The following PCSK5 variants were observed in gnomAD, a reference collection of about 807,000 sequenced individuals.
PCSK5 encodes proprotein convertase subtilisin/kexin type 5.
In PCSK5, 129 loss-of-function variants were observed where a neutral mutation model predicts 233.2. The observed-to-expected ratio is 0.55, with a 90% CI of 0.48 to 0.64. The LOEUF (loss-of-function observed/expected upper bound fraction) is 0.64. Ranked by LOEUF, PCSK5 falls within the 30% of genes least tolerant of loss-of-function variation. The pLI, the probability that PCSK5 is intolerant of heterozygous loss-of-function variation, is 0.00. For missense variants in PCSK5, 2,076 were observed against 2,430.1 expected (o/e 0.85, Z 3.06); for synonymous variants, 825 against 879.2 (o/e 0.94, Z 1.09).
At chr9:76,278,893 T>A (rs1827775748) in intron 24 of PCSK5, among the ~76,000 whole-genome samples, 1 of 152,208 alleles carries the variant, frequency 6.6e-6, no homozygotes, top group South Asian at 2.1e-4. Flanking sequence ...GCATTTTGCT[T>A]TATTGTACAT....
At chr9:76,097,280 T>G (rs1409930713) in intron 8 of PCSK5, among the ~76,000 whole-genome samples, 2 of 95,930 alleles carry the variant, frequency 2.1e-5, no homozygotes, top group Admixed American at 1.5e-4. Flanking sequence ...TGAGACGGAG[T>G]CTCGCTCTGT....
chr9:76,294,109 A>G (rs1035968548), intron 25 of PCSK5, among the ~76,000 whole-genome samples: 1 of 151,972 alleles, frequency 6.6e-6, no homozygotes, highest in Non-Finnish European at 1.5e-5. Context: ...AGGCAAGAGA[A>G]TCACTTGAAC....
At chr9:76,022,954 A>G (rs1828262307) in intron 3 of PCSK5, among the ~76,000 whole-genome samples, 1 of 152,100 alleles carries the variant, frequency 6.6e-6, no homozygotes, top group South Asian at 2.1e-4. Context: ...TTTCTCGCCC[A>G]TGGGTTTTTC....
At chr9:76,339,866 G>A (rs1441333147) in intron 35 of PCSK5, among the ~76,000 whole-genome samples, 2 of 152,072 alleles carry the variant, frequency 1.3e-5, no homozygotes, top group African/African-American at 4.8e-5. Context: ...ATATTTAAAA[G>A]GCTATTAAGA....
intron 20 of PCSK5, among the ~76,000 whole-genome samples, chr9:76,209,074 G>A (rs1825226751): frequency 6.6e-6 from 1 of 152,208 alleles, no homozygotes; most frequent in Non-Finnish European, 1.5e-5. Context: ...TAAGAAAGCA[G>A]TCATTTTTAA....
rs1829560063 is a variant in PCSK5, at chr9:76,332,348, C to T, written c.4571-85C>T. Reference sequence around the variant, plus strand: ...TTCCTCCTGCAGCCCTCTCCTCCCTCCCGCCATGGTACACAAGAGGGAAAA... The same window carrying T: ...TTCCTCCTGCAGCCCTCTCCTCCCTTCCGCCATGGTACACAAGAGGGAAAA... On this transcript the variant is annotated intron_variant, in intron 33 of 37. Coordinates refer to ENST00000674117, the MANE Select transcript of PCSK5 (RefSeq NM_001372043.1). The T allele has an allele frequency of 4.1e-6, 4 of 969,098 alleles. No individual in the cohort carries two copies. The Admixed American group carries it at 6.6e-5, about 16-fold the overall frequency. The allele number at this position is 969,098 out of a possible 1,614,324, so 60.0% of individuals were successfully genotyped here.
At chr9:76,187,335 T>C (rs1324950292) in intron 17 of PCSK5, among the ~76,000 whole-genome samples, 5 of 152,146 alleles carry the variant, frequency 3.3e-5, no homozygotes, top group African/African-American at 1.2e-4. Context: ...ATCACACTAG[T>C]TATTCAGTGA....
intron 1 of PCSK5, among the ~76,000 whole-genome samples, chr9:75,917,033 G>T (rs1469694678): frequency 4.6e-5 from 7 of 152,090 alleles, no homozygotes; most frequent in Non-Finnish European, 7.3e-5. Context: ...GCTGGGCATG[G>T]TGGCACGTGC....
At chr9:75,975,560 C>T (rs545920423) in intron 2 of PCSK5, among the ~76,000 whole-genome samples, 35 of 152,212 alleles carry the variant, frequency 2.3e-4, no homozygotes, top group African/African-American at 8.2e-4. Flanking sequence ...AAATAAAGCT[C>T]CTCTTTGTAT....
intron 35 of PCSK5, among the ~76,000 whole-genome samples, chr9:76,349,284 A>AG (rs951583676): frequency 2.1e-5 from 3 of 146,236 alleles, no homozygotes; most frequent in East Asian, 2.0e-4. Flanking sequence ...AAAAAAAAAA[A>AG]AAAAAAAGAA....
intron 12 of PCSK5, among the ~76,000 whole-genome samples, chr9:76,161,594 T>C (rs1822860951): frequency 6.6e-6 from 1 of 152,162 alleles, no homozygotes; most frequent in Admixed American, 6.5e-5. Context: ...CCTCCGCTGT[T>C]GCTGTTTGCT....
At chr9:75,923,855 A>C (rs62555874) in intron 1 of PCSK5, among the ~76,000 whole-genome samples, 13,698 of 152,000 alleles carry the variant, frequency 0.09, 812 homozygotes, top group African/African-American at 0.17. Context: ...TGGCTTGTGG[A>C]CCCTTCTACC....
At chr9:76,241,085 C>T (rs144139711) in intron 24 of PCSK5, among the ~76,000 whole-genome samples, 3 of 152,322 alleles carry the variant, frequency 2.0e-5, no homozygotes, top group East Asian at 3.9e-4. Context: ...ATTCCTCTAA[C>T]TCACTTGATG....
intron 9 of PCSK5, among the ~76,000 whole-genome samples, chr9:76,126,062 GAAAGTT>G (rs1832838005): frequency 6.6e-6 from 1 of 152,084 alleles, no homozygotes; most frequent in South Asian, 2.1e-4. Flanking sequence ...CAATGAAAAA[GAAAGTT>G]AAAAATTATT....
chr9:75,996,186 C>T (rs1827014632), intron 3 of PCSK5, among the ~76,000 whole-genome samples: 1 of 152,058 alleles, frequency 6.6e-6, no homozygotes, highest in Non-Finnish European at 1.5e-5. Context: ...TGTATTTGTT[C>T]TACAGCTTAG....
At chr9:76,069,297 T>C (rs1804650252) in intron 6 of PCSK5, among the ~76,000 whole-genome samples, 1 of 152,088 alleles carries the variant, frequency 6.6e-6, no homozygotes, top group African/African-American at 2.4e-5. Context: ...GCCCTTCTCA[T>C]GGTCCAGGAT....
intron 1 of PCSK5, among the ~76,000 whole-genome samples, chr9:75,908,896 T>TATCTATCTATC (rs1331124229): frequency 7.8e-6 from 1 of 127,758 alleles, no homozygotes; most frequent in Admixed American, 8.8e-5. Context: ...TCTATCTATC[T>TATCTATCTATC]ATCTATCTAT....
intron 10 of PCSK5, among the ~76,000 whole-genome samples, chr9:76,145,685 G>A (rs958845354): frequency 2.6e-5 from 4 of 152,148 alleles, no homozygotes; most frequent in Admixed American, 1.3e-4. Context: ...TGACCACACT[G>A]AGACCATGGT....
intron 9 of PCSK5, among the ~76,000 whole-genome samples, chr9:76,114,012 C>G (rs1397224968): frequency 6.6e-6 from 1 of 152,066 alleles, no homozygotes. Flanking sequence ...TGATTCCACA[C>G]AGTTACAAGG....
Sources: gnomAD v4.1 joint callset for allele counts (sites outside exome capture counted in the v4.1 genomes callset) on GRCh38, gnomAD v4.1.1 for gene constraint, MANE v1.5 for transcripts, NCBI Gene and HGNC (gene_info 2026-07-23, HGNC 2026-07-21) for gene names.